Variants in AGBL4 observed in about 807,000 individuals in gnomAD.
AGBL4 encodes cytosolic carboxypeptidase 6.
Under a neutral mutation model 66.4 loss-of-function variants are expected in AGBL4, and 58 were observed. That is an observed-to-expected ratio of 0.87 (90% CI 0.71 to 1.09). The LOEUF is 1.09. AGBL4 is among the 50% of genes least tolerant of loss of function. The probability of loss-of-function intolerance (pLI) is 0.00; values close to 1 mark genes in which losing one functional copy is unlikely to be tolerated. For synonymous variants in AGBL4, 234 were observed against 222.9 expected, an observed-to-expected ratio of 1.05 and a Z score of -0.44; for missense variants, 579 against 631.0, an observed-to-expected ratio of 0.92 and a Z score of 0.88.
intron 4 of AGBL4, among the ~76,000 whole-genome samples, chr1:49,163,781 G>A (rs1646583084): frequency 2.6e-5 from 4 of 152,174 alleles, no homozygotes; most frequent in Admixed American, 2.6e-4. Flanking sequence ...GGTTTGGAAA[G>A]CAAGAAAGGC....
intron 3 of AGBL4, among the ~76,000 whole-genome samples, chr1:49,479,843 G>T (rs1244293363): frequency 1.3e-5 from 2 of 151,588 alleles, no homozygotes; most frequent in Non-Finnish European, 2.9e-5. Context: ...GAGTGGCTGG[G>T]ACTACAGGCG....
intron 4 of AGBL4, among the ~76,000 whole-genome samples, chr1:49,207,537 C>CTTTCT (rs1192881547): frequency 4.3e-5 from 5 of 117,166 alleles, no homozygotes; most frequent in South Asian, 6.0e-4. Flanking sequence ...CTTTCTTTTT[C>CTTTCT]TTTCTTTTCT....
intron 5 of AGBL4, among the ~76,000 whole-genome samples, chr1:48,955,200 G>A (rs116764953): frequency 1.4e-4 from 21 of 152,232 alleles, no homozygotes; most frequent in African/African-American, 5.1e-4. Flanking sequence ...CCTTGCTCTG[G>A]TCCTAGATGA....
intron 3 of AGBL4, among the ~76,000 whole-genome samples, chr1:49,445,204 T>C (rs998435997): frequency 6.6e-6 from 1 of 152,096 alleles, no homozygotes; most frequent in African/African-American, 2.4e-5. Context: ...TTCTGGTCTA[T>C]AAAATGTCTG....
chr1:49,372,297 G>A (rs1217405559), intron 3 of AGBL4, among the ~76,000 whole-genome samples: 1 of 152,164 alleles, frequency 6.6e-6, no homozygotes, highest in Non-Finnish European at 1.5e-5. Flanking sequence ...TCTCTTCTGT[G>A]AAGTCCTTGC....
At chr1:48,955,982 C>T (rs2148933197) in intron 5 of AGBL4, among the ~76,000 whole-genome samples, 1 of 152,360 alleles carries the variant, frequency 6.6e-6, no homozygotes, top group African/African-American at 2.4e-5. Flanking sequence ...CAGTGGCTGT[C>T]TGCCCTGACC....
At chr1:49,407,039 A>C (rs1262293013) in intron 3 of AGBL4, among the ~76,000 whole-genome samples, 3 of 135,072 alleles carry the variant, frequency 2.2e-5, no homozygotes, top group Non-Finnish European at 4.6e-5. Flanking sequence ...CATTCCAGCC[A>C]GGGCGACAGA....
chr1:49,100,020 T>C (rs954886771), intron 4 of AGBL4, among the ~76,000 whole-genome samples: 7 of 152,118 alleles, frequency 4.6e-5, no homozygotes, highest in African/African-American at 1.7e-4. Context: ...CTAACAGTGT[T>C]AGGAACTGGG....
chr1:49,620,198 G>A (rs186641374), intron 3 of AGBL4, among the ~76,000 whole-genome samples: 1 of 152,164 alleles, frequency 6.6e-6, no homozygotes, highest in East Asian at 1.9e-4. Flanking sequence ...TGCAGAATGG[G>A]AGAAAAATCT....
rs564569612 is a variant in AGBL4, at chr1:49,774,065, C to T, written c.158-76628G>A. Among the ~76,000 whole-genome samples the T allele has an allele frequency of 8.9e-4, 135 of 152,306 alleles. 2 individuals carry two copies. The highest frequency in any genetic ancestry group is 8.7e-3 in the Admixed American group (133 of 15,304). Reference sequence around the variant, plus strand: ...CACACTCCAGATGTAGGTCCAGTTTCAAGATGATGCCATGCCATAGAAATG... The same window carrying T: ...CACACTCCAGATGTAGGTCCAGTTTTAAGATGATGCCATGCCATAGAAATG... On this transcript the variant is annotated intron_variant, in intron 2 of 13. Coordinates refer to ENST00000371839, the MANE Select transcript of AGBL4 (RefSeq NM_032785.4).
chr1:49,588,541 A>G (rs1558079091), intron 3 of AGBL4, among the ~76,000 whole-genome samples: 1 of 152,324 alleles, frequency 6.6e-6, no homozygotes, highest in South Asian at 2.1e-4. Flanking sequence ...TTCTGGAAGC[A>G]ATACTTCAAA....
intron 3 of AGBL4, among the ~76,000 whole-genome samples, chr1:49,250,601 G>C (rs1651975894): frequency 6.6e-6 from 1 of 151,918 alleles, no homozygotes; most frequent in Non-Finnish European, 1.5e-5. Flanking sequence ...GTGCCACTAT[G>C]CTTGGCTAAT....
In AGBL4 at chr1:49,739,852, TGA is replaced by T. The variant is rs577802428; in HGVS notation, c.158-42417_158-42416del. On this transcript the variant is annotated intron_variant, in intron 2 of 13. Coordinates refer to ENST00000371839, the MANE Select transcript of AGBL4 (RefSeq NM_032785.4). Reference sequence around the variant, plus strand: ...AAATCCTTCACAGACAAGCAAATGCTGAGAGATTTTGTCACCACCAGGCCTGC... The same window carrying T: ...AAATCCTTCACAGACAAGCAAATGCTGAGATTTTGTCACCACCAGGCCTGC... Among the ~76,000 whole-genome samples, 404 of 152,270 alleles carry T rather than the reference TGA, an allele frequency of 2.7e-3. 3 individuals are homozygous for T. The highest frequency in any genetic ancestry group is 9.4e-3 in the African/African-American group (392 of 41,554).
chr1:48,840,081 A>G (rs1462175063), intron 6 of AGBL4, among the ~76,000 whole-genome samples: 1 of 152,100 alleles, frequency 6.6e-6, no homozygotes, highest in Non-Finnish European at 1.5e-5. Context: ...AGTGTGTTTT[A>G]TAGAGGAAGA....
intron 6 of AGBL4, among the ~76,000 whole-genome samples, chr1:48,763,427 A>G (rs1644373784): frequency 6.6e-6 from 1 of 152,224 alleles, no homozygotes; most frequent in South Asian, 2.1e-4. Context: ...TGTAAAATCT[A>G]AAGAAAGTAC....
intron 3 of AGBL4, among the ~76,000 whole-genome samples, chr1:49,556,399 A>T (rs1008344392): frequency 2.0e-5 from 3 of 152,012 alleles, no homozygotes; most frequent in Non-Finnish European, 4.4e-5. Flanking sequence ...AGGGGGCAGG[A>T]ATAGTATTAG....
intron 1 of AGBL4, among the ~76,000 whole-genome samples, chr1:49,922,242 G>A (rs1652331035): frequency 6.6e-6 from 1 of 152,070 alleles, no homozygotes; most frequent in African/African-American, 2.4e-5. Flanking sequence ...GCTGGATTCA[G>A]TTTGCCAATA....
At chr1:49,562,508 GT>G (rs1644075713) in intron 3 of AGBL4, among the ~76,000 whole-genome samples, 1 of 152,112 alleles carries the variant, frequency 6.6e-6, no homozygotes, top group Non-Finnish European at 1.5e-5. Flanking sequence ...AAGGGATCCA[GT>G]TTCAGCTTTC....
At chr1:49,189,685 C>G (rs1647079094) in intron 4 of AGBL4, among the ~76,000 whole-genome samples, 1 of 152,168 alleles carries the variant, frequency 6.6e-6, no homozygotes, top group South Asian at 2.1e-4. Context: ...TAGTGAGGCT[C>G]AAACCACTGT....
Sources: allele counts gnomAD v4.1 joint callset (sites outside exome capture counted in the v4.1 genomes callset), GRCh38; gene constraint gnomAD v4.1.1; transcripts MANE v1.5; gene names NCBI Gene and HGNC (gene_info 2026-07-23, HGNC 2026-07-21).